DNAH17: variants seen among roughly 807,000 people sequenced by gnomAD.
The protein encoded by DNAH17 is axonemal beta dynein heavy chain 17.
A neutral mutation model predicts 485.6 loss-of-function variants in DNAH17; 376 were observed. That is an observed-to-expected ratio of 0.77 (90% CI 0.71 to 0.84). The LOEUF is 0.84. Among genes scored for constraint, DNAH17 ranks in the 40% least tolerant of loss-of-function variants. The pLI is 0.00. For missense variants in DNAH17, 6,370 were observed against 5,839.3 expected (o/e 1.09, Z -2.96); for synonymous variants, 3,031 against 2,405.9 (o/e 1.26, Z -7.60).
intron 2 of DNAH17, 129 bp downstream of exon 2, chr17:78,574,584 T>C (rs1260438163): frequency 1.2e-6 from 1 of 806,494 alleles, no homozygotes; most frequent in Non-Finnish European, 1.9e-6. Context: ...AGCGCCTGCA[T>C]TTCCAATCCC....
At chr17:78,509,753 A>C (rs1292815801) in intron 27 of DNAH17, among the ~76,000 whole-genome samples, 1 of 150,818 alleles carries the variant, frequency 6.6e-6, no homozygotes, top group Non-Finnish European at 1.5e-5. Context: ...ACGTCCATGG[A>C]GGAGTCAGAC....
chr17:78,455,254 G>C (rs767571806), intron 63 of DNAH17, among the ~76,000 whole-genome samples: 1 of 151,858 alleles, frequency 6.6e-6, no homozygotes, highest in Non-Finnish European at 1.5e-5. Context: ...GCCTCATCAC[G>C]GAAGTCAAGG....
chr17:78,491,319 C>T (rs1043305243), intron 43 of DNAH17, 124 bp downstream of exon 43: 1 of 1,385,160 alleles, frequency 7.2e-7, no homozygotes, highest in Admixed American at 2.4e-5. Context: ...CTGTGGAGAT[C>T]CAGACACGCC....
intron 56 of DNAH17, among the ~76,000 whole-genome samples, chr17:78,464,879 G>A (rs886558362): frequency 1.3e-5 from 2 of 152,242 alleles, no homozygotes; most frequent in African/African-American, 4.8e-5. Context: ...CAATTCTGAT[G>A]ATTTGTTCAT....
chr17:78,449,606 C>G lies in DNAH17; in HGVS notation c.11041-22G>C, dbSNP rs2087460260. ...AGGCCTGGGGATCCGCCACCGAGAGCCATGGAGGCGTGCAGAGATGGAGCC... is the reference window on the plus strand; with the variant it reads ...AGGCCTGGGGATCCGCCACCGAGAGGCATGGAGGCGTGCAGAGATGGAGCC... On this transcript the variant is annotated intron_variant, in intron 68 of 80. Coordinates refer to ENST00000389840, the MANE Select transcript of DNAH17 (RefSeq NM_173628.4). 2.5e-6 allele frequency: 4 copies of G among 1,589,606 alleles called. No homozygotes were observed. The East Asian group carries it at 9.1e-5, about 36-fold the overall frequency.
chr17:78,556,603 A>C (rs927358355), intron 14 of DNAH17, among the ~76,000 whole-genome samples: 1 of 152,102 alleles, frequency 6.6e-6, no homozygotes, highest in African/African-American at 2.4e-5. Context: ...CCCAGGGTAT[A>C]TGAGTGGAAT....
In DNAH17 at chr17:78,538,447, A is replaced by G. The variant is rs2091436240; in HGVS notation, c.2677-966T>C. On this transcript the variant is annotated intron_variant, in intron 18 of 80. Transcript: ENST00000389840. ...CTGTGAGATCACACTGTGGCCACTG[A>G]TCTCCCCCTGAATGAGTCCCCATTG... Among the ~76,000 whole-genome samples, 3 of 152,176 alleles carry G rather than the reference A, an allele frequency of 2.0e-5. No homozygotes were observed. In the South Asian group the frequency reaches 6.2e-4, roughly 31 times the overall value.
chr17:78,564,540 T>C (rs991654061), intron 11 of DNAH17, among the ~76,000 whole-genome samples: 3 of 147,338 alleles, frequency 2.0e-5, no homozygotes, highest in South Asian at 2.3e-4. Context: ...AATGAAAGAA[T>C]TGGCTCCATT....
At position 78,513,538 on chromosome 17, in the gene DNAH17, C is replaced by T. The variant is rs900556657; in HGVS notation, c.4113+1236G>A. Among the ~76,000 whole-genome samples, 18 of 152,218 alleles carry T rather than the reference C, an allele frequency of 1.2e-4. No homozygotes were observed. The East Asian group carries it at 3.3e-3, about 28-fold the overall frequency. ...GCAACCTCCACCTCCCAGGTTCAAG[C>T]GATTCTCCTGCCTCAGCCACGCAAG... On this transcript the variant is annotated intron_variant, in intron 26 of 80. Transcript: ENST00000389840.
intron 6 of DNAH17, 67 bp downstream of exon 6, chr17:78,570,881 A>AG: frequency 2.5e-6 from 2 of 812,476 alleles, no homozygotes; most frequent in Non-Finnish European, 3.6e-6. Context: ...AAAAAAAAGA[A>AG]AAAAGAAAAG....
chr17:78,506,907 C>T, intron 29 of DNAH17, 61 bp from the exon 30 acceptor site: 7 of 1,600,374 alleles, frequency 4.4e-6, no homozygotes, highest in Non-Finnish European at 6.0e-6. Flanking sequence ...ATGTCTGCCA[C>T]CCACCCTGTC....
intron 56 of DNAH17, among the ~76,000 whole-genome samples, chr17:78,466,301 C>T (rs1003111886): frequency 3.9e-5 from 6 of 152,146 alleles, no homozygotes; most frequent in East Asian, 1.9e-4. Context: ...TGCCGAAGGC[C>T]GGAAGGCCTC....
At chr17:78,559,607 C>T (rs1045100551) in intron 13 of DNAH17, among the ~76,000 whole-genome samples, 1 of 152,232 alleles carries the variant, frequency 6.6e-6, no homozygotes, top group Non-Finnish European at 1.5e-5. Flanking sequence ...CCTGCTCTTT[C>T]CTCCAGCCCC....
At chr17:78,501,087 C>T in intron 35 of DNAH17, 97 bp downstream of exon 35, 1 of 1,395,772 alleles carries the variant, frequency 7.2e-7, no homozygotes, top group Admixed American at 2.2e-5. Flanking sequence ...CCAGTCCTTC[C>T]AGCCTCCACA....
rs994754292 is a variant in DNAH17 at position 78,573,805 on chromosome 17, C to G, written c.345+908G>C. ...GACACCTTCAACTTCAACCTCTAGC[C>G]TCCAGGACTGTGAGAAAATGTCTGG... On this transcript the variant is annotated intron_variant, in intron 2 of 80. Coordinates refer to ENST00000389840, the MANE Select transcript of DNAH17 (RefSeq NM_173628.4). Among the ~76,000 whole-genome samples the G allele has an allele frequency of 1.3e-4, 19 of 150,818 alleles. No homozygotes were observed. In the Admixed American group the frequency reaches 1.3e-3, roughly 10 times the overall value.
At chr17:78,528,983 G>A (rs11654409) in intron 22 of DNAH17, among the ~76,000 whole-genome samples, 84,271 of 149,380 alleles carry the variant, frequency 0.56, 23,969 homozygotes, top group Middle Eastern at 0.61. Context: ...AATCTCTGTC[G>A]CCCAGGCTGG....
Position 78,554,649 on chromosome 17 carries a change from G to T in DNAH17, c.2179-1844C>A, listed in dbSNP as rs143525344. Among the ~76,000 whole-genome samples, 119 of 152,190 alleles carry T rather than the reference G, an allele frequency of 7.8e-4. 1 individual carries two copies. The highest frequency in any genetic ancestry group is 2.7e-3 in the African/African-American group (113 of 41,526). On this transcript the variant is annotated intron_variant, in intron 14 of 80. Transcript: ENST00000389840. ...CGTACCAAGCAACATCTTGTTTCAT[G>T]ACTTCTCTAGGACCCTTCTACATGA...
At chr17:78,433,927 AGG>A (rs1568044823) in intron 75 of DNAH17, 100 bp downstream of exon 75, 62 of 791,258 alleles carry the variant, frequency 7.8e-5, no homozygotes, top group Non-Finnish European at 1.0e-4. Flanking sequence ...GAGGGAAGGA[AGG>A]AGGGAGGGAA....
rs1306219804 is a variant in DNAH17 at position 78,445,581 on chromosome 17, G to A, written c.11311C>T (p.His3771Tyr). The A allele has an allele frequency of 1.9e-6, 3 of 1,562,870 alleles. No individual in the cohort carries two copies. The highest frequency in any genetic ancestry group is 2.4e-5 in the South Asian group (2 of 84,820). The change falls in exon 70 of 81, where the codon CAT (histidine) becomes TAT (tyrosine). Residue 3771 changes from histidine to tyrosine, a missense_variant. Physicochemically the swap from His to Tyr is moderately conservative, Grantham distance 83 (BLOSUM62 2). Transcript: ENST00000389840. ...GVVSPVDFLQ[H>Y]QGWGGIKALS... ...ACCTTGATCCCGCCCCAGCCTTGAT[G>A]CTGGAGGAAGTCCACTGGTGAGACC...
Sources: gnomAD v4.1 joint callset for allele counts (sites outside exome capture counted in the v4.1 genomes callset) on GRCh38, gnomAD v4.1.1 for gene constraint, MANE v1.5 for transcripts, NCBI Gene and HGNC (gene_info 2026-07-23, HGNC 2026-07-21) for gene names.